Variants in ZNF337 observed in about 807,000 individuals in gnomAD.
The protein encoded by ZNF337 is zinc finger protein 337.
A neutral mutation model predicts 12.1 loss-of-function variants in ZNF337; 8 were observed. The ratio of observed to expected loss-of-function variants is 0.66; its 90% confidence interval spans 0.39 to 1.19. The LOEUF (loss-of-function observed/expected upper bound fraction) is 1.19. Among genes scored for constraint, ZNF337 ranks in the 50% most tolerant of loss-of-function variants. ZNF337 has a pLI of 0.01. For missense variants in ZNF337, 882 were observed against 896.6 expected (o/e 0.98, Z 0.21); for synonymous variants, 336 against 320.0 (o/e 1.05, Z -0.53).
chr20:25,683,248 A>ATCATCC (rs1031956513), intron 4 of ZNF337, among the ~76,000 whole-genome samples: 4 of 151,742 alleles, frequency 2.6e-5, no homozygotes, highest in Admixed American at 6.6e-5. Flanking sequence ...CATCATCATC[A>ATCATCC]TCATCATCAT....
rs2065659443 is a variant in ZNF337, at chr20:25,675,004, G to A, written c.*28C>T. On this transcript the variant is annotated 3_prime_UTR_variant, in exon 5 of 5. Coordinates refer to ENST00000252979, the MANE Select transcript of ZNF337 (RefSeq NM_015655.4). Reference sequence around the variant, plus strand: ...AAAGCAAAGTTACTCTCCTGAGTGTGTCCTCTGATGGATGGTGAGATATAA... The same window carrying A: ...AAAGCAAAGTTACTCTCCTGAGTGTATCCTCTGATGGATGGTGAGATATAA... 1.3e-6 allele frequency: 2 copies of A among 1,592,432 alleles called. No individual in the cohort carries two copies. Among genetic ancestry groups the A allele is most frequent in the Non-Finnish European group, 1.7e-6 (2 of 1,166,958 alleles).
At chr20:25,688,379 A>AT (rs1441122894) in intron 1 of ZNF337, among the ~76,000 whole-genome samples, 1 of 151,722 alleles carries the variant, frequency 6.6e-6, no homozygotes, top group Admixed American at 6.6e-5. Context: ...TGAATAAAAA[A>AT]TTTTTTTTTC....
chr20:25,680,325 A>G (rs564539834), intron 4 of ZNF337, among the ~76,000 whole-genome samples: 4 of 152,324 alleles, frequency 2.6e-5, no homozygotes, highest in African/African-American at 9.6e-5. Context: ...TTTGATCATT[A>G]CATATGGTAT....
rs1600429811 is a variant in ZNF337 at position 25,675,881 on chromosome 20, A to G, written c.1407T>C (p.Phe469=). The G allele has an allele frequency of 3.7e-6, 6 of 1,613,990 alleles. No homozygotes were observed. The highest frequency in any genetic ancestry group is 1.3e-5 in the African/African-American group (1 of 74,896). Residue 469 remains phenylalanine (F), a synonymous_variant, in exon 5 of 5, where the codon TTT becomes TTC. Transcript: ENST00000252979. ...PFVCKDCGRG[F]IQKSTFTLHQ... ...GTAAAGTGAAGGTTGACTTTTGGATAAAGCCTCGTCCACAGTCCTTGCACA... is the reference window on the plus strand; with the variant it reads ...GTAAAGTGAAGGTTGACTTTTGGATGAAGCCTCGTCCACAGTCCTTGCACA...
chr20:25,682,929 A>G (rs1236151375), intron 4 of ZNF337, among the ~76,000 whole-genome samples: 1 of 152,208 alleles, frequency 6.6e-6, no homozygotes, highest in African/African-American at 2.4e-5. Flanking sequence ...GAGACTTCCA[A>G]GTACTCGAGG....
chr20:25,675,786 G>GACTT lies in ZNF337; in HGVS notation c.1498_1501dup (p.Ser501Ter). On this transcript the variant is annotated stop_gained and frameshift_variant, in exon 5 of 5. Transcript: ENST00000252979. LOFTEE classifies it low-confidence loss of function (END_TRUNC). Reference sequence around the variant, plus strand: ...TGCCCTCAGGTGCTTGTTATAGGAGGACTTATCCCGAAACCTTCGCCCACA... The same window carrying GACTT: ...TGCCCTCAGGTGCTTGTTATAGGAGGACTTACTTATCCCGAAACCTTCGCCCACA... 1 of 1,613,694 alleles carries GACTT rather than the reference G, an allele frequency of 6.2e-7. No homozygotes were observed. Among genetic ancestry groups the GACTT allele is most frequent in the Non-Finnish European group, 8.5e-7 (1 of 1,179,924 alleles).
chr20:25,696,432 G>C (rs1209328929), intron 1 of ZNF337, among the ~76,000 whole-genome samples: 1 of 152,158 alleles, frequency 6.6e-6, no homozygotes, highest in African/African-American at 2.4e-5. Context: ...CCCCACCCGA[G>C]GAGCGGCGAC....
chr20:25,676,103 C>CT lies in ZNF337; in HGVS notation c.1184dup (p.Arg396GlufsTer15). On this transcript the variant is annotated frameshift_variant, in exon 5 of 5. Coordinates refer to ENST00000252979, the MANE Select transcript of ZNF337 (RefSeq NM_015655.4). LOFTEE classifies it low-confidence loss of function (END_TRUNC). ...AAGGCTTCTCCCCTGAGTGTGTTCT[C>CT]TGGTGTCTGAGGAGACTTCCTTTCA... 1 of 1,614,090 alleles carries CT rather than the reference C, an allele frequency of 6.2e-7. No homozygotes were observed. The highest frequency in any genetic ancestry group is 8.5e-7 in the Non-Finnish European group (1 of 1,179,992).
chr20:25,685,732 C>T (rs2065824695), intron 3 of ZNF337, 70 bp from the exon 4 acceptor site: 2 of 1,401,062 alleles, frequency 1.4e-6, no homozygotes, highest in African/African-American at 1.4e-5. Context: ...GCTGGAGCCA[C>T]CCAGGGCAGG....
intron 4 of ZNF337, among the ~76,000 whole-genome samples, chr20:25,682,533 C>A (rs1316068741): frequency 1.3e-5 from 2 of 151,976 alleles, no homozygotes; most frequent in Admixed American, 6.6e-5. Context: ...ATAACAACAA[C>A]AAAAATCTTT....
At chr20:25,679,649 G>GA (rs1287617921) in intron 4 of ZNF337, among the ~76,000 whole-genome samples, 2 of 151,732 alleles carry the variant, frequency 1.3e-5, no homozygotes, top group Non-Finnish European at 2.9e-5. Context: ...ATCAAAAAGA[G>GA]AAAAAATAAC....
At chr20:25,696,025 G>A (rs2065922213) in intron 1 of ZNF337, among the ~76,000 whole-genome samples, 1 of 151,324 alleles carries the variant, frequency 6.6e-6, no homozygotes, top group African/African-American at 2.4e-5. Flanking sequence ...CAAGGCCCCA[G>A]GGAAGAGGCC....
In ZNF337 at chr20:25,685,595, C is replaced by T. The variant is rs1313199387; in HGVS notation, c.222G>A (p.Glu74=). The T allele has an allele frequency of 1.2e-5, 19 of 1,614,198 alleles. No homozygotes were observed. In the East Asian group the frequency reaches 4.0e-4, roughly 34 times the overall value. The change falls in exon 4 of 5, where the codon GAG becomes GAA. Residue 74 remains glutamate (E), a synonymous_variant. Transcript: ENST00000252979. The part of the protein sequence containing the change: ...LEQGEVPWGE[E]RRRRPGPCAG... ...CACAGGGGCCTGGCCGGCGTCTTCT[C>T]TCTTCTCCCCAGGGCACTTCCCCTT...
chr20:25,675,206 A>G lies in ZNF337; in HGVS notation c.2082T>C (p.Tyr694=), dbSNP rs2065664180. The change falls in exon 5 of 5, where the codon TAT becomes TAC. Residue 694 remains tyrosine, a synonymous_variant. Transcript: ENST00000252979. ...GCACAGTGAGGTCTGACTTACTGGT[A>G]TAGCCTCGCTTACACTCCTGGCAAA... is the stretch of plus-strand genomic sequence containing the variant. ...PFVCQECKRG[Y]TSKSDLTVHE... The G allele has an allele frequency of 6.2e-7, 1 of 1,614,252 alleles. No homozygotes were observed. The highest frequency in any genetic ancestry group is 8.5e-7 in the Non-Finnish European group (1 of 1,180,040).
rs2065695511 is a variant in ZNF337, at chr20:25,676,539, T to C, written c.749A>G (p.Asn250Ser). The change falls in exon 5 of 5, where the codon AAC becomes AGC. Residue 250 changes from asparagine (N) to serine (S), a missense_variant. Physicochemically the swap from Asn to Ser is conservative, Grantham distance 46 (BLOSUM62 1). Transcript: ENST00000252979. ...VCGRGFSLKA[N>S]LLRHQRTHSG... ...GTGTGTCCTCTGGTGTCTGAGGAGG[T>C]TGGCCTTGAGGCTGAAGCCTCGCCC... is the stretch of plus-strand genomic sequence containing the variant. 6.2e-7 allele frequency: 1 copy of C among 1,613,966 alleles called. No homozygotes were observed. The highest frequency in any genetic ancestry group is 8.5e-7 in the Non-Finnish European group (1 of 1,179,984).
At position 25,685,738 on chromosome 20, in the gene ZNF337, G is replaced by A. The variant is rs2065824777; in HGVS notation, c.155-76C>T. 4.4e-6 allele frequency: 6 copies of A among 1,361,112 alleles called. No homozygotes were observed. The South Asian group carries it at 7.1e-5, about 16-fold the overall frequency. 84.3% of individuals were successfully genotyped at this position (1,361,112 alleles called of 1,614,324 possible). On this transcript the variant is annotated intron_variant, in intron 3 of 4. Coordinates refer to ENST00000252979, the MANE Select transcript of ZNF337 (RefSeq NM_015655.4). ...GGGCCATTTGCTGGAGCCACCCAGG[G>A]CAGGAAGGGAGGGAGAATCAGAGGG...
chr20:25,684,607 C>T lies in ZNF337; in HGVS notation c.250+960G>A, dbSNP rs191821572. Among the ~76,000 whole-genome samples, 23 of 152,224 alleles carry T rather than the reference C, an allele frequency of 1.5e-4. No individual in the cohort carries two copies. In the Middle Eastern group the frequency reaches 0.01, roughly 68 times the overall value. On this transcript the variant is annotated intron_variant, in intron 4 of 4. Coordinates refer to ENST00000252979, the MANE Select transcript of ZNF337 (RefSeq NM_015655.4). ...CTAGAACTAGAAATACCATTTGACC[C>T]GGCAATGCCATTACTGGGTATATAC...
Position 25,675,290 on chromosome 20 carries a change from G to A in ZNF337, c.1998C>T (p.Ser666=). The change falls in exon 5 of 5, where the codon AGC becomes AGT. Residue 666 remains serine, a synonymous_variant. Coordinates refer to ENST00000252979, the MANE Select transcript of ZNF337 (RefSeq NM_015655.4). The stretch of plus-strand genomic sequence containing the variant: ...GGTGTCTGGTGAGACTTCTCTTCCA[G>A]CTGAAGCCTTGCCCACACACATTAC... ...FVCNVCGQGF[S]WKRSLTRHHW... is the part of the protein sequence containing the mutation. 1 of 1,613,914 alleles carries A rather than the reference G, an allele frequency of 6.2e-7. No homozygotes were observed. Among genetic ancestry groups the A allele is most frequent in the Non-Finnish European group, 8.5e-7 (1 of 1,180,004 alleles).
At chr20:25,682,492 A>C (rs1006473304) in intron 4 of ZNF337, among the ~76,000 whole-genome samples, 3 of 151,940 alleles carry the variant, frequency 2.0e-5, no homozygotes, top group East Asian at 1.9e-4. Context: ...CTGCCCTCCC[A>C]AAAAAAACTA....
Sources: gnomAD v4.1 joint callset for allele counts (sites outside exome capture counted in the v4.1 genomes callset) on GRCh38, gnomAD v4.1.1 for gene constraint, MANE v1.5 for transcripts, NCBI Gene and HGNC (gene_info 2026-07-23, HGNC 2026-07-21) for gene names.